Variants in EPS8 observed in about 807,000 individuals in gnomAD.
EPS8 encodes epidermal growth factor receptor kinase substrate 8.
Under a neutral mutation model 103.8 loss-of-function variants are expected in EPS8, and 42 were observed. The observed-to-expected ratio is 0.40, with a 90% CI of 0.32 to 0.52. EPS8 has a LOEUF of 0.52. EPS8 is among the 20% of genes least tolerant of loss of function. The pLI is 0.40. For missense variants in EPS8, 969 were observed against 1,005.1 expected, an observed-to-expected ratio of 0.96 and a Z score of 0.49; for synonymous variants, 344 against 344.6, an observed-to-expected ratio of 1.00 and a Z score of 0.02.
Position 15,721,973 on chromosome 12 carries a change from C to CT in EPS8, c.-21-39002dup, listed in dbSNP as rs547933328. Among the ~76,000 whole-genome samples, 615 of 147,470 alleles carry CT rather than the reference C, an allele frequency of 4.2e-3. 5 individuals carry two copies. The highest frequency in any genetic ancestry group is 0.031 in the East Asian group (158 of 5,054). On this transcript the variant is annotated intron_variant, in intron 1 of 20. Coordinates refer to ENST00000281172, the MANE Select transcript of EPS8 (RefSeq NM_004447.6). This position sits in a 1 kb window ranked among gnomAD's most constrained non-coding sequence, Gnocchi z 4.4. ...CTAGTTTTTTTTTAATGCATACATA[C>CT]TTTTTTTTTTCAAAGGGGGCTACTG...
At chr12:15,669,585 A>C in intron 5 of EPS8, 49 bp from the exon 6 acceptor site, 1 of 1,562,454 alleles carries the variant, frequency 6.4e-7, no homozygotes, top group South Asian at 1.2e-5. Context: ...ATCCATTTTC[A>C]AACAATCTGA....
rs912268494 is a variant in EPS8 at position 15,688,727 on chromosome 12, C to G, written c.-21-5755G>C. On this transcript the variant is annotated intron_variant, in intron 1 of 20. Transcript: ENST00000281172. This position sits in a 1 kb window ranked among gnomAD's most constrained non-coding sequence, Gnocchi z 5.1. Reference sequence around the variant, plus strand: ...AGAGCTACCTCCACTCAATAAAACCCTGCACTCATTCTCTAAGCCCACGTG... The same window carrying G: ...AGAGCTACCTCCACTCAATAAAACCGTGCACTCATTCTCTAAGCCCACGTG... 3.3e-5 allele frequency among the ~76,000 whole-genome samples: 5 copies of G among 152,222 alleles called. No homozygotes were observed. In the South Asian group the frequency reaches 1.0e-3, roughly 32 times the overall value.
intron 12 of EPS8, among the ~76,000 whole-genome samples, chr12:15,655,792 G>C (rs182899554): frequency 2.0e-5 from 3 of 152,326 alleles, no homozygotes; most frequent in Admixed American, 2.0e-4. Context: ...CTACGCTCGT[G>C]TGTACATGTC....
intron 1 of EPS8, among the ~76,000 whole-genome samples, chr12:15,710,746 A>T (rs999607944): frequency 6.6e-6 from 1 of 152,258 alleles, no homozygotes; most frequent in Non-Finnish European, 1.5e-5. Context: ...AGGAAATTTT[A>T]AAATACTGGA....
chr12:15,676,439 C>T (rs1945909926), intron 3 of EPS8, among the ~76,000 whole-genome samples: 1 of 151,772 alleles, frequency 6.6e-6, no homozygotes, highest in Non-Finnish European at 1.5e-5. Context: ...AAAAAGCAGC[C>T]CTAAATATTC....
At chr12:15,773,599 CAAGT>C (rs1947177470) in intron 1 of EPS8, among the ~76,000 whole-genome samples, 1 of 151,356 alleles carries the variant, frequency 6.6e-6, no homozygotes, top group East Asian at 1.9e-4. Context: ...GCAGCAGAAG[CAAGT>C]AAGTATTCTA....
At chr12:15,709,052 T>C (rs1946426212) in intron 1 of EPS8, among the ~76,000 whole-genome samples, 1 of 152,204 alleles carries the variant, frequency 6.6e-6, no homozygotes, top group African/African-American at 2.4e-5. Context: ...AAATGTCCAT[T>C]CCAACAAAGG....
intron 16 of EPS8, among the ~76,000 whole-genome samples, 181 bp downstream of exon 16, chr12:15,641,541 A>G (rs1945229845): frequency 6.6e-6 from 1 of 152,088 alleles, no homozygotes; most frequent in South Asian, 2.1e-4. Context: ...ATAAAGGAGT[A>G]TTCTAAAGCT....
In EPS8 at chr12:15,692,319, G is replaced by GTT. The variant is rs56016545; in HGVS notation, c.-21-9349_-21-9348dup. The stretch of plus-strand genomic sequence containing the variant: ...CAAATTGTAGATTGAAAGAGGTTTG[G>GTT]TTTTTTTTTTTTTTTTTTTTTTTTG... On this transcript the variant is annotated intron_variant, in intron 1 of 20. Transcript: ENST00000281172. Among the ~76,000 whole-genome samples, 198 of 120,244 alleles carry GTT rather than the reference G, an allele frequency of 1.6e-3. 3 individuals carry two copies. The highest frequency in any genetic ancestry group is 5.1e-3 in the African/African-American group (155 of 30,358). 78.9% of individuals were successfully genotyped at this position (120,244 alleles called of 152,430 possible). A position where few individuals can be genotyped will look rare whatever the true frequency, so the allele number is the denominator to read the frequency against.
At chr12:15,685,269 G>A (rs529728926) in intron 1 of EPS8, among the ~76,000 whole-genome samples, 4 of 152,168 alleles carry the variant, frequency 2.6e-5, no homozygotes, top group East Asian at 1.9e-4. Flanking sequence ...CAATGTCCTC[G>A]TCAGTAAAAT....
chr12:15,674,532 A>G (rs1945870437), intron 3 of EPS8, among the ~76,000 whole-genome samples: 1 of 152,210 alleles, frequency 6.6e-6, no homozygotes, highest in Non-Finnish European at 1.5e-5. Flanking sequence ...AGGCAACTAC[A>G]ATCACAGCTT....
At chr12:15,783,501 G>A (rs1316028463) in intron 1 of EPS8, among the ~76,000 whole-genome samples, 1 of 152,058 alleles carries the variant, frequency 6.6e-6, no homozygotes, top group African/African-American at 2.4e-5. Context: ...AGAATAGCAT[G>A]GGAAAAGATT....
At chr12:15,708,015 C>A (rs147289184) in intron 1 of EPS8, among the ~76,000 whole-genome samples, 12 of 152,260 alleles carry the variant, frequency 7.9e-5, no homozygotes, top group African/African-American at 2.9e-4. Flanking sequence ...CTATGATGAT[C>A]TGTGCATTCT....
intron 18 of EPS8, among the ~76,000 whole-genome samples, chr12:15,626,406 G>A (rs934920377): frequency 1.3e-5 from 2 of 151,940 alleles, no homozygotes; most frequent in Non-Finnish European, 2.9e-5. Context: ...TGAGGCAGGC[G>A]GATCACAAGG....
intron 3 of EPS8, among the ~76,000 whole-genome samples, chr12:15,674,314 A>G (rs1248019086): frequency 6.6e-6 from 1 of 152,230 alleles, no homozygotes; most frequent in Non-Finnish European, 1.5e-5. Flanking sequence ...AAAAAGTAAC[A>G]TAAAAGCAGC....
intron 12 of EPS8, 72 bp from the exon 13 acceptor site, chr12:15,654,365 A>T (rs925602871): frequency 1.7e-5 from 24 of 1,393,478 alleles, no homozygotes; most frequent in Non-Finnish European, 1.6e-5. Flanking sequence ...GTGGACAAAA[A>T]CCCATGGCAA....
rs1357706873 is a variant in EPS8 at position 15,747,754 on chromosome 12, C to T, written c.-22+41407G>A. On this transcript the variant is annotated intron_variant, in intron 1 of 20. Coordinates refer to ENST00000281172, the MANE Select transcript of EPS8 (RefSeq NM_004447.6). This position sits in a 1 kb window ranked among gnomAD's most constrained non-coding sequence, Gnocchi z 4.4. ...GAAAAAAAATAGCCAGGCGCAGTGG[C>T]TCACGCCTGTAATCCCAGCACTTTG... is the stretch of plus-strand genomic sequence containing the variant. Among the ~76,000 whole-genome samples the T allele has an allele frequency of 6.6e-6, 1 of 152,186 alleles. No homozygotes were observed. The highest frequency in any genetic ancestry group is 1.5e-5 in the Non-Finnish European group (1 of 68,030).
At chr12:15,711,632 C>T (rs565630572) in intron 1 of EPS8, among the ~76,000 whole-genome samples, 2 of 152,070 alleles carry the variant, frequency 1.3e-5, no homozygotes, top group Non-Finnish European at 2.9e-5. Flanking sequence ...CTAAAGCTGA[C>T]CAAAGCTTTA....
chr12:15,675,963 T>C (rs2135868023), intron 3 of EPS8, among the ~76,000 whole-genome samples: 1 of 152,208 alleles, frequency 6.6e-6, no homozygotes, highest in Non-Finnish European at 1.5e-5. Flanking sequence ...TATTTTAACA[T>C]ACAGACTCTA....
Sources: gnomAD v4.1 joint callset for allele counts (sites outside exome capture counted in the v4.1 genomes callset) on GRCh38, gnomAD v4.1.1 for gene constraint, Gnocchi (gnomAD v3.1) non-coding constraint, MANE v1.5 for transcripts, NCBI Gene and HGNC (gene_info 2026-07-23, HGNC 2026-07-21) for gene names.